DCAF6: variants seen among roughly 807,000 people sequenced by gnomAD.
DCAF6 encodes DDB1- and CUL4-associated factor 6.
Under a neutral mutation model 125.1 loss-of-function variants are expected in DCAF6, and 54 were observed. The ratio of observed to expected loss-of-function variants is 0.43; its 90% CI spans 0.35 to 0.54. The LOEUF is 0.54. Among genes scored for constraint, DCAF6 ranks in the 20% least tolerant of loss-of-function variants. DCAF6 has a pLI of 0.01. For synonymous variants in DCAF6, 371 were observed against 390.4 expected, an observed-to-expected ratio of 0.95 and a Z score of 0.58; for missense variants, 934 against 1,161.7, an observed-to-expected ratio of 0.80 and a Z score of 2.85.
the DCAF6 span, among the ~76,000 whole-genome samples, chr1:167,925,442 C>CACATAT: frequency 9.2e-4 from 76 of 82,470 alleles, no homozygotes; most frequent in East Asian, 5.2e-3. Flanking sequence ...TACATATACA[C>CACATAT]ATATATATAT....
chr1:167,878,727 C>G, the DCAF6 span: 1 of 1,248,204 alleles, frequency 8.0e-7, no homozygotes, highest in Non-Finnish European at 1.2e-6. Flanking sequence ...AGCATTTTTA[C>G]CCTTTACTCC....
rs749569969 is a variant in DCAF6, at chr1:167,966,692, T to C, written c.223T>C (p.Leu75=). ...YILSGSDDTK[L]VISNPYSRKV... Reference sequence around the variant, plus strand: ...TTTATCTGGCTCAGATGACACCAAATTAGTAATTAGTAATCCTTACAGCAG... The same window carrying C: ...TTTATCTGGCTCAGATGACACCAAACTAGTAATTAGTAATCCTTACAGCAG... The change falls in exon 3 of 22, where the codon TTA becomes CTA. Residue 75 remains leucine (L), a synonymous_variant. Coordinates refer to ENST00000367840, the MANE Select transcript of DCAF6 (RefSeq NM_001198956.2). The C allele has an allele frequency of 1.3e-6, 2 of 1,595,106 alleles. No individual in the cohort carries two copies. The highest frequency in any genetic ancestry group is 1.3e-5 in the African/African-American group (1 of 74,514).
At chr1:167,886,597 A>G in the DCAF6 span, among the ~76,000 whole-genome samples, 1 of 152,226 alleles carries the variant, frequency 6.6e-6, no homozygotes, top group Non-Finnish European at 1.5e-5. Flanking sequence ...TAAAAACCCT[A>G]GAAGAAACCT....
Position 168,038,446 on chromosome 1 carries a change from GAAC to G in DCAF6, c.1689_1691del (p.Thr565del), listed in dbSNP as rs1297480916. The G allele has an allele frequency of 6.2e-7, 1 of 1,610,584 alleles. No individual in the cohort carries two copies. The highest frequency in any genetic ancestry group is 8.5e-7 in the Non-Finnish European group (1 of 1,178,674). ...TTAAGTTTGCACTACAGCACAGAAGGAACAACTACAAGCACAATAAAACTGAAC... is the reference window on the plus strand; with the variant it reads ...TTAAGTTTGCACTACAGCACAGAAGGAACTACAAGCACAATAAAACTGAAC... On this transcript the variant is annotated inframe_deletion, in exon 13 of 22. Transcript: ENST00000367840.
the DCAF6 span, among the ~76,000 whole-genome samples, chr1:167,872,367 T>TA: frequency 0.19 from 26,808 of 141,960 alleles, 2,847 homozygotes; most frequent in East Asian, 0.4. Flanking sequence ...TAAGGAAGCT[T>TA]AAAAAAAAAA....
intron 17 of DCAF6, chr1:168,056,074 A>G (rs1345734194): frequency 1.3e-6 from 2 of 1,586,256 alleles, no homozygotes; most frequent in East Asian, 2.2e-5. Flanking sequence ...ACTTCTCCTG[A>G]TAAAGGAGAA....
At chr1:167,863,655 A>G in the DCAF6 span, among the ~76,000 whole-genome samples, 1 of 152,170 alleles carries the variant, frequency 6.6e-6, no homozygotes, top group Non-Finnish European at 1.5e-5. Context: ...TGCCCTGTGG[A>G]ACATCCCTGC....
At chr1:167,874,772 T>C in the DCAF6 span, among the ~76,000 whole-genome samples, 1 of 152,202 alleles carries the variant, frequency 6.6e-6, no homozygotes, top group Admixed American at 6.5e-5. Context: ...AATGGAATAC[T>C]ACATAGTAAT....
the DCAF6 span, among the ~76,000 whole-genome samples, chr1:167,907,739 G>A: frequency 1.3e-4 from 20 of 152,204 alleles, no homozygotes; most frequent in Admixed American, 1.0e-3. Context: ...TATTTTGGAA[G>A]AGTTATTAAA....
chr1:167,978,633 C>G (rs1406112310), intron 4 of DCAF6, among the ~76,000 whole-genome samples: 3 of 151,826 alleles, frequency 2.0e-5, no homozygotes, highest in Admixed American at 6.6e-5. Context: ...CCTATCTTTT[C>G]CTATTCTGTG....
intron 1 of DCAF6, among the ~76,000 whole-genome samples, chr1:167,937,525 A>G (rs756603326): frequency 1.3e-5 from 2 of 151,400 alleles, no homozygotes; most frequent in Non-Finnish European, 2.9e-5. Flanking sequence ...CTGAGCCAAA[A>G]CCTAAAAGTG....
intron 7 of DCAF6, among the ~76,000 whole-genome samples, chr1:167,994,747 A>G (rs565353667): frequency 6.6e-6 from 1 of 152,186 alleles, no homozygotes; most frequent in Non-Finnish European, 1.5e-5. Flanking sequence ...TGGCTTTTTT[A>G]TTTTATAATG....
At chr1:167,968,769 C>G (rs906776022) in intron 3 of DCAF6, among the ~76,000 whole-genome samples, 1 of 152,202 alleles carries the variant, frequency 6.6e-6, no homozygotes, top group Non-Finnish European at 1.5e-5. Flanking sequence ...TCTTTCAGTG[C>G]TTTTTACTGG....
chr1:167,906,913 A>C, the DCAF6 span, among the ~76,000 whole-genome samples: 1 of 152,234 alleles, frequency 6.6e-6, no homozygotes, highest in Non-Finnish European at 1.5e-5. Context: ...TGTTGAAAAC[A>C]AGGTAATTAA....
intron 1 of DCAF6, among the ~76,000 whole-genome samples, chr1:167,943,102 G>T (rs1672500904): frequency 6.6e-6 from 1 of 152,050 alleles, no homozygotes. Flanking sequence ...GTAGAGATGG[G>T]GTTTCACCGC....
At position 168,037,003 on chromosome 1, in the gene DCAF6, T is replaced by G. The variant is rs561589961; in HGVS notation, c.1610-1368T>G. Among the ~76,000 whole-genome samples, 15 of 152,314 alleles carry G rather than the reference T, an allele frequency of 9.8e-5. No individual in the cohort carries two copies. In the South Asian group the frequency reaches 1.7e-3, roughly 17 times the overall value. ...TAAGTTTTGTTATCAGCTTGACTCT[T>G]GTGGAATACTTTTCTACTGCATTTC... is the stretch of plus-strand genomic sequence containing the variant. On this transcript the variant is annotated intron_variant, in intron 12 of 21. Transcript: ENST00000367840.
chr1:167,995,417 C>G (rs1218019529), intron 7 of DCAF6, among the ~76,000 whole-genome samples: 2 of 152,084 alleles, frequency 1.3e-5, no homozygotes, highest in Non-Finnish European at 2.9e-5. Context: ...TAGTGGCTTA[C>G]GCCTGTAATC....
the DCAF6 span, chr1:167,899,601 A>G: frequency 6.2e-7 from 1 of 1,614,116 alleles, no homozygotes; most frequent in Non-Finnish European, 8.5e-7. Flanking sequence ...TCCAAAGACC[A>G]ACATGCTGAT....
the DCAF6 span, chr1:167,903,818 T>C: frequency 1.7e-6 from 2 of 1,147,162 alleles, no homozygotes; most frequent in East Asian, 4.7e-5. Flanking sequence ...TATCAGGTTA[T>C]AATTGACAAC....
Sources: allele counts gnomAD v4.1 joint callset (sites outside exome capture counted in the v4.1 genomes callset), GRCh38; gene constraint gnomAD v4.1.1; transcripts MANE v1.5; gene names NCBI Gene and HGNC (gene_info 2026-07-23, HGNC 2026-07-21).